The following DPPA2 variants were observed in gnomAD, a reference collection of about 807,000 sequenced individuals.
DPPA2 encodes developmental pluripotency-associated protein 2.
DPPA2 carries 26 observed loss-of-function variants against 36.2 expected under a neutral mutation model. That is an observed-to-expected ratio of 0.72 (90% CI 0.53 to 1.00). The LOEUF (loss-of-function observed/expected upper bound fraction) is 1.00, where lower values mean the gene tolerates loss of function less well. Ranked by LOEUF, DPPA2 falls within the 50% of genes least tolerant of loss-of-function variation. DPPA2 has a pLI of 0.00. For synonymous variants in DPPA2, 113 were observed against 123.2 expected (o/e 0.92, Z 0.55); for missense variants, 361 against 365.1 (o/e 0.99, Z 0.09).
chr3:109,309,259 A>G lies in DPPA2; in HGVS notation c.253T>C (p.Leu85=), dbSNP rs778208153. The change falls in exon 4 of 9, where the codon TTG becomes CTG. Residue 85 remains leucine, a synonymous_variant. Transcript: ENST00000478945. ...TTAATGGGAGGCAAAATGGTCGGCA[A>G]GGGAAGGGCTGGTATTTTGCATCTA... ...KARCKIPALP[L]PTILPPINKV... The G allele has an allele frequency of 1.2e-5, 20 of 1,614,104 alleles. No homozygotes were observed. Among genetic ancestry groups the G allele is most frequent in the Admixed American group, 1.0e-4 (6 of 59,994 alleles).
rs781370267 is a variant in DPPA2, at chr3:109,304,658, C to T, written c.671G>A (p.Cys224Tyr). Residue 224 changes from cysteine to tyrosine, a missense_variant, in exon 7 of 9, where the codon TGT becomes TAT. Physicochemically the swap from Cys to Tyr is radical, Grantham distance 194. Transcript: ENST00000478945. ...FLMQASGVRW[C>Y]VVHGRLLSAD... ...CGAGAGAAGTCTGCCATGGACCACA[C>T]ACCACCTGACGCCTGGAAAGGAAAA... is the stretch of plus-strand genomic sequence containing the variant. 20 of 1,594,808 alleles carry T rather than the reference C, an allele frequency of 1.3e-5. No individual in the cohort carries two copies. The highest frequency in any genetic ancestry group is 1.7e-5 in the Non-Finnish European group (20 of 1,172,310).
In DPPA2 at chr3:109,309,283, T is replaced by TGG; in HGVS notation, c.228_229insCC (p.Arg77ProfsTer34). The stretch of plus-strand genomic sequence containing the variant: ...AAGGGAAGGGCTGGTATTTTGCATC[T>TGG]AGCTTTTTGTGGAGCTGTAAATTGC... On this transcript the variant is annotated frameshift_variant, in exon 4 of 9. Coordinates refer to ENST00000478945, the MANE Select transcript of DPPA2 (RefSeq NM_138815.4). LOFTEE classifies it high-confidence loss of function. 5 of 1,614,166 alleles carry TGG rather than the reference T, an allele frequency of 3.1e-6. No individual in the cohort carries two copies. The highest frequency in any genetic ancestry group is 4.2e-6 in the Non-Finnish European group (5 of 1,180,008).
At chr3:109,314,935 G>T (rs1707764779) in intron 1 of DPPA2, among the ~76,000 whole-genome samples, 1 of 152,014 alleles carries the variant, frequency 6.6e-6, no homozygotes, top group African/African-American at 2.4e-5. Context: ...GCGTTGTGGC[G>T]AGCGCCTGTA....
chr3:109,296,371 A>G (rs1414163770), intron 8 of DPPA2, among the ~76,000 whole-genome samples: 3 of 152,204 alleles, frequency 2.0e-5, no homozygotes, highest in African/African-American at 4.8e-5. Flanking sequence ...GAGTAAAGTG[A>G]TATTTAAAAA....
At chr3:109,305,519 A>T (rs1707541957) in intron 6 of DPPA2, among the ~76,000 whole-genome samples, 1 of 152,078 alleles carries the variant, frequency 6.6e-6, no homozygotes, top group African/African-American at 2.4e-5. Flanking sequence ...TTACGCCTGT[A>T]ATCCCAGCAC....
intron 8 of DPPA2, among the ~76,000 whole-genome samples, chr3:109,295,054 A>G (rs1707327596): frequency 6.6e-6 from 1 of 152,268 alleles, no homozygotes; most frequent in African/African-American, 2.4e-5. Flanking sequence ...ACTGTTTATT[A>G]GTTTTTGATA....
At chr3:109,305,795 C>T (rs1218457267) in intron 6 of DPPA2, among the ~76,000 whole-genome samples, 1 of 139,332 alleles carries the variant, frequency 7.2e-6, no homozygotes, top group Non-Finnish European at 1.6e-5. Context: ...AAAAAAAACG[C>T]GTAAGGAACA....
intron 7 of DPPA2, among the ~76,000 whole-genome samples, chr3:109,304,195 C>T (rs1419933283): frequency 6.6e-6 from 1 of 151,948 alleles, no homozygotes; most frequent in African/African-American, 2.4e-5. Flanking sequence ...ATCGCTTGAA[C>T]CCAGGAGGCA....
Position 109,312,709 on chromosome 3 carries a change from G to A in DPPA2, c.34-17C>T. 1 of 1,611,642 alleles carries A rather than the reference G, an allele frequency of 6.2e-7. No homozygotes were observed. Among genetic ancestry groups the A allele is most frequent in the East Asian group, 2.2e-5 (1 of 44,826 alleles). ...CAAGAAATTCTGGAAAGAGAAGTCA[G>A]TCACTGATTTTCATTTGATGCGGTA... On this transcript the variant is annotated splice_polypyrimidine_tract_variant and intron_variant, in intron 2 of 8. Transcript: ENST00000478945.
Position 109,308,207 on chromosome 3 carries a change from T to A in DPPA2, c.483A>T (p.Arg161Ser). ...CTGCTCTCTCATTCATCTCATAACTTCTCTGAAGCCTTGCTCTCTTGGTCA... is the reference window on the plus strand; with the variant it reads ...CTGCTCTCTCATTCATCTCATAACTACTCTGAAGCCTTGCTCTCTTGGTCA... ...KAVTKRARLQRSYEMNERAEE... is the reference protein window; with the variant it reads ...KAVTKRARLQSSYEMNERAEE... The change falls in exon 6 of 9, where the codon AGA (arginine) becomes AGT (serine). Residue 161 changes from arginine to serine, a missense_variant. Physicochemically the swap from Arg to Ser is moderately radical, Grantham distance 110. Transcript: ENST00000478945. The A allele has an allele frequency of 6.2e-7, 1 of 1,614,184 alleles. No homozygotes were observed. The highest frequency in any genetic ancestry group is 2.2e-5 in the East Asian group (1 of 44,880).
chr3:109,297,456 A>G (rs1229780903), intron 8 of DPPA2, among the ~76,000 whole-genome samples: 5 of 151,208 alleles, frequency 3.3e-5, no homozygotes, highest in African/African-American at 1.2e-4. Context: ...CCCAGGAGGC[A>G]AAGGTTGCAG....
At chr3:109,296,785 C>A (rs1707358745) in intron 8 of DPPA2, among the ~76,000 whole-genome samples, 1 of 151,820 alleles carries the variant, frequency 6.6e-6, no homozygotes, top group South Asian at 2.1e-4. Flanking sequence ...TCTTAAAACT[C>A]AATAATAAAA....
intron 7 of DPPA2, among the ~76,000 whole-genome samples, chr3:109,301,876 G>A (rs377151870): frequency 2.0e-5 from 3 of 152,152 alleles, no homozygotes; most frequent in Non-Finnish European, 4.4e-5. Context: ...TTCTAGTTCT[G>A]CACATGTTCT....
At chr3:109,307,969 T>G in intron 6 of DPPA2, 63 bp downstream of exon 6, 1 of 1,559,392 alleles carries the variant, frequency 6.4e-7, no homozygotes, top group South Asian at 1.2e-5. Context: ...CGTTTCAGTC[T>G]TGGACTAATA....
At chr3:109,296,108 T>C (rs982024103) in intron 8 of DPPA2, among the ~76,000 whole-genome samples, 2 of 151,358 alleles carry the variant, frequency 1.3e-5, no homozygotes, top group African/African-American at 4.9e-5. Flanking sequence ...GAGAAAGGAA[T>C]AGAAAGTTGT....
intron 8 of DPPA2, among the ~76,000 whole-genome samples, chr3:109,299,082 G>T (rs545483392): frequency 1.3e-5 from 2 of 148,560 alleles, no homozygotes; most frequent in East Asian, 2.0e-4. Context: ...AAAAGAGGCC[G>T]GGCACGGTGG....
intron 3 of DPPA2, among the ~76,000 whole-genome samples, chr3:109,311,516 G>GATC (rs1202371645): frequency 2.6e-5 from 4 of 152,136 alleles, no homozygotes; most frequent in African/African-American, 9.7e-5. Flanking sequence ...AAGGTGGGTG[G>GATC]ATCACCTGAG....
At chr3:109,300,015 A>C (rs892822150) in intron 8 of DPPA2, among the ~76,000 whole-genome samples, 1 of 152,236 alleles carries the variant, frequency 6.6e-6, no homozygotes, top group Non-Finnish European at 1.5e-5. Flanking sequence ...ATGGGAATAC[A>C]TGGGAACCCT....
chr3:109,306,968 G>A (rs1482313864), intron 6 of DPPA2, among the ~76,000 whole-genome samples: 2 of 151,378 alleles, frequency 1.3e-5, no homozygotes, highest in South Asian at 2.1e-4. Context: ...CACTGTGCCC[G>A]GCCAAGATTT....
Sources: gnomAD v4.1 joint callset for allele counts (sites outside exome capture counted in the v4.1 genomes callset) on GRCh38, gnomAD v4.1.1 for gene constraint, MANE v1.5 for transcripts, NCBI Gene and HGNC (gene_info 2026-07-23, HGNC 2026-07-21) for gene names.